Variants in PRTG observed in about 807,000 individuals in gnomAD.
The protein encoded by PRTG is immunoglobulin superfamily, DCC subclass, member 5.
PRTG carries 67 observed loss-of-function variants against 122.5 expected under a neutral mutation model. The ratio of observed to expected loss-of-function variants is 0.55; its 90% CI spans 0.45 to 0.67. The LOEUF is 0.67. Among genes scored for constraint, PRTG ranks in the 30% least tolerant of loss-of-function variants. The pLI is 0.00. For missense variants in PRTG, 1,435 were observed against 1,415.4 expected, an observed-to-expected ratio of 1.01 and a Z score of -0.22; for synonymous variants, 554 against 501.1, an observed-to-expected ratio of 1.11 and a Z score of -1.41.
rs143191967 is a variant in PRTG, at chr15:55,706,313, G to A, written c.398-22382C>T. Among the ~76,000 whole-genome samples, 37 of 152,090 alleles carry A rather than the reference G, an allele frequency of 2.4e-4. 1 individual carries two copies. Among genetic ancestry groups the A allele is most frequent in the Non-Finnish European group, 3.8e-4 (26 of 67,988 alleles). ...GATGGCATCAAGAAGACAGTGACAC[G>A]TGATAAAAGGTGGAAGGATATCAAG... On this transcript the variant is annotated intron_variant, in intron 2 of 19. Coordinates refer to ENST00000389286, the MANE Select transcript of PRTG (RefSeq NM_173814.6).
In PRTG at chr15:55,618,645, G is replaced by A. The variant is rs2059150896; in HGVS notation, c.*1367C>T. On this transcript the variant is annotated 3_prime_UTR_variant, in exon 20 of 20. Transcript: ENST00000389286. ...AGCACTGACACTGAAGGAAGATTAA[G>A]TAGATACCATATTCTCTAAAGAATT... The A allele has an allele frequency of 6.6e-6, 1 of 152,092 alleles. No individual in the cohort carries two copies. Among genetic ancestry groups the A allele is most frequent in the African/African-American group, 2.4e-5 (1 of 41,400 alleles). The allele number at this position is 152,092 out of a possible 1,614,324, so 9.4% of individuals were successfully genotyped here. A position where few individuals can be genotyped will look rare whatever the true frequency, so the allele number is the denominator to read the frequency against.
chr15:55,683,312 C>A (rs377397006), intron 3 of PRTG, among the ~76,000 whole-genome samples: 1 of 151,858 alleles, frequency 6.6e-6, no homozygotes, highest in South Asian at 2.1e-4. Flanking sequence ...CTATCAAGTT[C>A]TTGATTTTTC....
At position 55,683,729 on chromosome 15, in the gene PRTG, C is replaced by T; in HGVS notation, c.542+58G>A. ...ATAATGGTGTTTCTCCCTATATAAT[C>T]TCATATGAAGTCTTCATTACTCCCA... On this transcript the variant is annotated intron_variant, in intron 3 of 19. Transcript: ENST00000389286. 4.3e-6 allele frequency: 6 copies of T among 1,405,978 alleles called. No homozygotes were observed. In the South Asian group the frequency reaches 6.6e-5, roughly 15 times the overall value. 87.1% of individuals were successfully genotyped at this position (1,405,978 alleles called of 1,614,324 possible). A position where few individuals can be genotyped will look rare whatever the true frequency, so the allele number is the denominator to read the frequency against.
intron 11 of PRTG, among the ~76,000 whole-genome samples, chr15:55,647,397 G>A (rs879690172): frequency 2.0e-5 from 3 of 152,166 alleles, no homozygotes; most frequent in Non-Finnish European, 4.4e-5. Flanking sequence ...AGAGACTCAA[G>A]GACTAGAAAG....
intron 2 of PRTG, among the ~76,000 whole-genome samples, chr15:55,711,101 T>A (rs1458764270): frequency 6.8e-6 from 1 of 146,296 alleles, no homozygotes; most frequent in Non-Finnish European, 1.5e-5. Context: ...TTTTTTTTTT[T>A]AGCAGAGATG....
At chr15:55,721,254 C>A (rs2030812179) in intron 2 of PRTG, among the ~76,000 whole-genome samples, 1 of 152,238 alleles carries the variant, frequency 6.6e-6, no homozygotes, top group South Asian at 2.1e-4. Context: ...GCTGTCCCAG[C>A]CTCCACTCTG....
chr15:55,678,040 A>C lies in PRTG; in HGVS notation c.1138T>G (p.Leu380Val). 1 of 1,572,962 alleles carries C rather than the reference A, an allele frequency of 6.4e-7. No individual in the cohort carries two copies. The highest frequency in any genetic ancestry group is 8.7e-7 in the Non-Finnish European group (1 of 1,149,944). Residue 380 changes from leucine (L) to valine (V), a missense_variant, in exon 8 of 20, where the codon TTG (leucine) becomes GTG (valine). Physicochemically the swap from Leu to Val is conservative, Grantham distance 32. Transcript: ENST00000389286. ...TCAGGAATAATCTGGTTAATTACCAATTTACTAGGGAAAGAAAAAAAATTA... is the reference window on the plus strand; with the variant it reads ...TCAGGAATAATCTGGTTAATTACCACTTTACTAGGGAAAGAAAAAAAATTA... ...NGRIKMYNSKLVINQIIPEDD... is the reference protein window; with the variant it reads ...NGRIKMYNSKVVINQIIPEDD...
intron 15 of PRTG, 136 bp downstream of exon 15, chr15:55,637,034 G>T: frequency 2.7e-6 from 2 of 735,642 alleles, no homozygotes; most frequent in Non-Finnish European, 4.1e-6. Context: ...GATGCCCTTT[G>T]AACAAAGCCA....
At chr15:55,652,128 T>C (rs1427648972) in intron 11 of PRTG, among the ~76,000 whole-genome samples, 10 of 152,210 alleles carry the variant, frequency 6.6e-5, no homozygotes, top group African/African-American at 1.9e-4. Flanking sequence ...AATGCTGCTA[T>C]AGAAAAGCTT....
chr15:55,649,606 G>A (rs930461806), intron 11 of PRTG, among the ~76,000 whole-genome samples: 65 of 152,034 alleles, frequency 4.3e-4, no homozygotes, highest in African/African-American at 1.5e-3. Context: ...CTAACATGGT[G>A]AAACTCCATC....
At chr15:55,711,680 T>G (rs528937744) in intron 2 of PRTG, among the ~76,000 whole-genome samples, 1 of 152,184 alleles carries the variant, frequency 6.6e-6, no homozygotes, top group Non-Finnish European at 1.5e-5. Context: ...ACATTCTCCT[T>G]CACCAGCAAG....
chr15:55,724,234 C>T (rs1027823938), intron 2 of PRTG, among the ~76,000 whole-genome samples: 1 of 152,064 alleles, frequency 6.6e-6, no homozygotes, highest in Non-Finnish European at 1.5e-5. Flanking sequence ...CACTATTGAT[C>T]TTTTGCGTAG....
chr15:55,639,084 G>A (rs1020964840), intron 13 of PRTG, among the ~76,000 whole-genome samples: 1 of 152,076 alleles, frequency 6.6e-6, no homozygotes, highest in African/African-American at 2.4e-5. Context: ...CAATTCTCCT[G>A]TGTTAGCTTC....
Position 55,743,024 on chromosome 15 carries a change from C to G in PRTG, c.-93G>C. ...GGGCGCTCTCTGCTCTGCGGCTGGT[C>G]GCACGCAGCCTGGCTCCCCGCTCCG... On this transcript the variant is annotated 5_prime_UTR_variant, in exon 1 of 20. Coordinates refer to ENST00000389286, the MANE Select transcript of PRTG (RefSeq NM_173814.6). 2 of 1,334,756 alleles carry G rather than the reference C, an allele frequency of 1.5e-6. No individual in the cohort carries two copies. The highest frequency in any genetic ancestry group is 1.9e-6 in the Non-Finnish European group (2 of 1,046,228). 82.7% of individuals were successfully genotyped at this position (1,334,756 alleles called of 1,614,324 possible).
At chr15:55,638,177 G>T (rs1196461234) in intron 14 of PRTG, among the ~76,000 whole-genome samples, 1 of 152,270 alleles carries the variant, frequency 6.6e-6, no homozygotes, top group East Asian at 1.9e-4. Flanking sequence ...CTATCAAGCT[G>T]CTATTCATAC....
In PRTG at chr15:55,638,566, T is replaced by A; in HGVS notation, c.2435A>T (p.His812Leu). 1.2e-6 allele frequency: 2 copies of A among 1,611,000 alleles called. No homozygotes were observed. Among genetic ancestry groups the A allele is most frequent in the Non-Finnish European group, 1.7e-6 (2 of 1,178,632 alleles). Residue 812 changes from histidine to leucine, a missense_variant, in exon 14 of 20, where the codon CAT becomes CTT. Transcript: ENST00000389286. ...TTCTTTACCTTCTGGAAGAGTAGAA[T>A]GGTAGACTACAGGGCTCCAAGGACT... ...LSSPWSPVVY[H>L]STLPEAPAGP... is the part of the protein sequence containing the mutation.
chr15:55,641,743 T>C (rs1005367383), intron 11 of PRTG, among the ~76,000 whole-genome samples: 1 of 152,212 alleles, frequency 6.6e-6, no homozygotes, highest in Non-Finnish European at 1.5e-5. Context: ...AAATGTGTCC[T>C]TTCTACAAAC....
intron 2 of PRTG, among the ~76,000 whole-genome samples, chr15:55,707,629 A>G (rs1392016605): frequency 6.6e-6 from 1 of 152,230 alleles, no homozygotes; most frequent in Non-Finnish European, 1.5e-5. Flanking sequence ...AGCCAAATCA[A>G]AACAATGCAT....
intron 15 of PRTG, among the ~76,000 whole-genome samples, chr15:55,629,390 TG>T (rs2059214623): frequency 9.5e-6 from 1 of 105,740 alleles, no homozygotes; most frequent in Non-Finnish European, 1.8e-5. Flanking sequence ...TGTGTGTGTG[TG>T]TGTGTGTGTG....
Sources: allele counts gnomAD v4.1 joint callset (sites outside exome capture counted in the v4.1 genomes callset), GRCh38; gene constraint gnomAD v4.1.1; transcripts MANE v1.5; gene names NCBI Gene and HGNC (gene_info 2026-07-23, HGNC 2026-07-21).